LINGO2: variants seen among roughly 807,000 people sequenced by gnomAD.
LINGO2 encodes leucine-rich repeat and immunoglobulin-like domain-containing nogo receptor-interacting protein 2.
LINGO2 carries 14 observed loss-of-function variants against 30.6 expected under a neutral mutation model. The ratio of observed to expected loss-of-function variants is 0.46; its 90% CI spans 0.30 to 0.72. The LOEUF is 0.72. Among genes scored for constraint, LINGO2 ranks in the 30% least tolerant of loss-of-function variants. The pLI is 0.07. For missense variants in LINGO2, 729 were observed against 751.7 expected (o/e 0.97, Z 0.35); for synonymous variants, 317 against 288.5 (o/e 1.10, Z -1.00).
intron 1 of LINGO2, among the ~76,000 whole-genome samples, chr9:28,574,244 T>C (rs930678376): frequency 6.6e-6 from 1 of 152,152 alleles, no homozygotes; most frequent in Non-Finnish European, 1.5e-5. Flanking sequence ...CTCCCCAAAA[T>C]TGTGTGTTAA....
intron 4 of LINGO2, among the ~76,000 whole-genome samples, chr9:28,281,163 A>G (rs1823309530): frequency 6.6e-6 from 1 of 152,138 alleles, no homozygotes; most frequent in South Asian, 2.1e-4. Context: ...AGACAGGGTG[A>G]AATGTGTAGA....
At chr9:29,028,300 C>G in the LINGO2 span, among the ~76,000 whole-genome samples, 11 of 151,660 alleles carry the variant, frequency 7.3e-5, no homozygotes, top group African/African-American at 2.7e-4. Flanking sequence ...TATGTGTGGA[C>G]AGATGAAAAG....
chr9:28,494,891 C>G (rs1453600110), intron 1 of LINGO2, among the ~76,000 whole-genome samples: 1 of 152,092 alleles, frequency 6.6e-6, no homozygotes, highest in Non-Finnish European at 1.5e-5. Context: ...TGTTTCCTGA[C>G]CTTTTAATGA....
the LINGO2 span, among the ~76,000 whole-genome samples, chr9:28,884,063 T>C: frequency 6.6e-6 from 1 of 152,114 alleles, no homozygotes; most frequent in Admixed American, 6.6e-5. Context: ...ACAAGTGTCA[T>C]GCTAAGTTTT....
chr9:28,337,991 G>C (rs1953004), intron 3 of LINGO2, among the ~76,000 whole-genome samples: 119,574 of 152,058 alleles, frequency 0.79, 47,150 homozygotes, highest in Non-Finnish European at 0.81. Flanking sequence ...AGCCACTATC[G>C]TCCAGACCCC....
intron 1 of LINGO2, among the ~76,000 whole-genome samples, chr9:28,588,781 G>T (rs538609377): frequency 6.6e-6 from 1 of 152,076 alleles, no homozygotes; most frequent in South Asian, 2.1e-4. Flanking sequence ...ACAAGGACAG[G>T]TACAGATATT....
intron 2 of LINGO2, among the ~76,000 whole-genome samples, chr9:28,442,424 C>T (rs886898960): frequency 1.3e-5 from 2 of 152,038 alleles, no homozygotes; most frequent in African/African-American, 4.8e-5. Flanking sequence ...TATATCAAAA[C>T]ATCACACTGT....
chr9:28,720,762 T>C, the LINGO2 span, among the ~76,000 whole-genome samples: 1 of 152,096 alleles, frequency 6.6e-6, no homozygotes, highest in African/African-American at 2.4e-5. Flanking sequence ...GAGGAATATG[T>C]GTGGTCCCTT....
intron 4 of LINGO2, among the ~76,000 whole-genome samples, chr9:28,048,574 C>G (rs146042080): frequency 1.3e-5 from 2 of 150,838 alleles, no homozygotes; most frequent in Non-Finnish European, 2.9e-5. Context: ...TGGCATACCT[C>G]TTTTGGACAG....
At chr9:27,958,771 G>GC (rs199589644) in intron 5 of LINGO2, among the ~76,000 whole-genome samples, 299 of 152,106 alleles carry the variant, frequency 2.0e-3, no homozygotes, top group African/African-American at 6.6e-3. Flanking sequence ...TGTGGTTAAG[G>GC]GGGGACTACT....
chr9:29,116,690 A>G, the LINGO2 span, among the ~76,000 whole-genome samples: 1 of 152,118 alleles, frequency 6.6e-6, no homozygotes, highest in African/African-American at 2.4e-5. Context: ...GAAAAAAAAA[A>G]AAGCAAAAAC....
the LINGO2 span, among the ~76,000 whole-genome samples, chr9:29,029,888 T>C: frequency 7.2e-5 from 11 of 151,932 alleles, no homozygotes; most frequent in African/African-American, 2.7e-4. Flanking sequence ...AAAAACATAT[T>C]GGAAGACATT....
At chr9:29,213,560 G>A in the LINGO2 span, among the ~76,000 whole-genome samples, 1 of 152,070 alleles carries the variant, frequency 6.6e-6, no homozygotes, top group Admixed American at 6.5e-5. Context: ...AGCCGGCTGG[G>A]GCTTGGCAGC....
intron 2 of LINGO2, among the ~76,000 whole-genome samples, chr9:28,402,842 T>C (rs1214390352): frequency 6.6e-6 from 1 of 152,122 alleles, no homozygotes; most frequent in Non-Finnish European, 1.5e-5. Context: ...AACAGGATAG[T>C]TCCCAAACAC....
intron 4 of LINGO2, among the ~76,000 whole-genome samples, chr9:28,107,117 T>C (rs1826618353): frequency 6.6e-6 from 1 of 152,132 alleles, no homozygotes; most frequent in African/African-American, 2.4e-5. Flanking sequence ...TTCCCAATGC[T>C]GCCTTCTATT....
intron 3 of LINGO2, among the ~76,000 whole-genome samples, chr9:28,311,978 T>G (rs982573165): frequency 2.6e-5 from 4 of 152,272 alleles, no homozygotes; most frequent in African/African-American, 9.6e-5. Context: ...AACTAATAAA[T>G]GTCCATGAAA....
At chr9:28,301,686 T>TG (rs1206058398) in intron 3 of LINGO2, among the ~76,000 whole-genome samples, 1 of 152,210 alleles carries the variant, frequency 6.6e-6, no homozygotes, top group Non-Finnish European at 1.5e-5. Context: ...TAGCCTATTT[T>TG]GGGGGAAAAT....
At chr9:28,605,584 A>G (rs1825663316) in intron 1 of LINGO2, among the ~76,000 whole-genome samples, 1 of 152,060 alleles carries the variant, frequency 6.6e-6, no homozygotes, top group Non-Finnish European at 1.5e-5. Flanking sequence ...ATCTTGTAAC[A>G]CCAAGTAACA....
chr9:28,526,239 G>A (rs1032491207), intron 1 of LINGO2, among the ~76,000 whole-genome samples: 1 of 151,920 alleles, frequency 6.6e-6, no homozygotes, highest in African/African-American at 2.4e-5. Flanking sequence ...ATCAAGACAC[G>A]TCCTAATAAA....
Sources: allele counts gnomAD v4.1 joint callset (sites outside exome capture counted in the v4.1 genomes callset), GRCh38; gene constraint gnomAD v4.1.1; transcripts MANE v1.5; gene names NCBI Gene and HGNC (gene_info 2026-07-23, HGNC 2026-07-21).